The following SLC6A12 variants were observed in gnomAD, a reference collection of about 807,000 sequenced individuals.
The protein encoded by SLC6A12 is solute carrier family 6 member 12, also known as sodium- and chloride-dependent betaine transporter.
SLC6A12 carries 50 observed loss-of-function variants against 73.3 expected under a neutral mutation model. The observed-to-expected ratio is 0.68, with a 90% CI of 0.54 to 0.86. The LOEUF is 0.86. SLC6A12 is among the 40% of genes least tolerant of loss of function. The pLI is 0.00. For synonymous variants in SLC6A12, 304 were observed against 309.2 expected (o/e 0.98, Z 0.18); for missense variants, 648 against 772.8 (o/e 0.84, Z 1.92).
intron 1 of SLC6A12, among the ~76,000 whole-genome samples, 155 bp from the exon 2 acceptor site, chr12:212,265 C>T (rs1001436110): frequency 6.6e-6 from 1 of 152,176 alleles, no homozygotes; most frequent in Non-Finnish European, 1.5e-5. Context: ...GCCCTTAGGG[C>T]GGTGGTCAGA....
Position 197,357 on chromosome 12 carries a change from G to A in SLC6A12, c.1075+20C>T, listed in dbSNP as rs1439969154. 1 of 1,608,352 alleles carries A rather than the reference G, an allele frequency of 6.2e-7. No homozygotes were observed. The highest frequency in any genetic ancestry group is 8.5e-7 in the Non-Finnish European group (1 of 1,177,046). On this transcript the variant is annotated intron_variant, in intron 10 of 15. Transcript: ENST00000684302. ...TGACTCTCCTTCCCCTCAGGCCCCA[G>A]ACAGCAAAGTGGCACCTACCTGACT...
rs779790967 is a variant in SLC6A12, at chr12:204,598, G to A, written c.315C>T (p.Val105=). The part of the protein sequence containing the change: ...ALGQYTSQGS[V]TAWRKICPLF... Reference sequence around the variant, plus strand: ...GGGGGCAGATCTTCCTCCAGGCTGTGACACTCCCTTGGCTGGTGTATTGGC... The same window carrying A: ...GGGGGCAGATCTTCCTCCAGGCTGTAACACTCCCTTGGCTGGTGTATTGGC... The change falls in exon 4 of 16, where the codon GTC becomes GTT. Residue 105 remains valine, a synonymous_variant. Coordinates refer to ENST00000684302, the MANE Select transcript of SLC6A12 (RefSeq NM_001122848.3). The A allele has an allele frequency of 6.8e-6, 11 of 1,614,082 alleles. No individual in the cohort carries two copies. In the South Asian group the frequency reaches 1.2e-4, roughly 18 times the overall value.
In SLC6A12 at chr12:197,882, G is replaced by A. The variant is rs117477410; in HGVS notation, c.950+18C>T. The A allele has an allele frequency of 0.016, 9,823 of 608,972 alleles. 79 individuals carry two copies. Among genetic ancestry groups the A allele is most frequent in the Middle Eastern group, 0.026 (88 of 3,390 alleles). 37.7% of individuals were successfully genotyped at this position (608,972 alleles called of 1,614,324 possible). A position where few individuals can be genotyped will look rare whatever the true frequency, so the allele number is the denominator to read the frequency against. On this transcript the variant is annotated intron_variant, in intron 9 of 15. Transcript: ENST00000684302. ...CCCCAACCCTCCTTCACCCCACCCCGGCCCACGCTGTTCTCACTTGTAGCA... is the reference window on the plus strand; with the variant it reads ...CCCCAACCCTCCTTCACCCCACCCCAGCCCACGCTGTTCTCACTTGTAGCA...
intron 13 of SLC6A12, 42 bp from the exon 14 acceptor site, chr12:193,419 G>T: frequency 6.9e-7 from 1 of 1,453,018 alleles, no homozygotes; most frequent in East Asian, 2.3e-5. Flanking sequence ...GCCAGAGGGT[G>T]AGAACAGCTT....
At chr12:196,350 A>G in intron 11 of SLC6A12, 89 bp from the exon 12 acceptor site, 1 of 1,462,592 alleles carries the variant, frequency 6.8e-7, no homozygotes, top group Non-Finnish European at 9.3e-7. Flanking sequence ...GCTCATCCAC[A>G]CTGATGCACA....
chr12:201,112 G>A (rs216243), intron 6 of SLC6A12: 128,776 of 246,018 alleles, frequency 0.52, 35,638 homozygotes, highest in African/African-American at 0.75. Context: ...TGGGTATCCC[G>A]TGCAGGGGCT....
downstream of SLC6A12, among the ~76,000 whole-genome samples, chr12:188,784 G>A (rs148323574): frequency 6.6e-6 from 1 of 151,884 alleles, no homozygotes; most frequent in East Asian, 1.9e-4. Context: ...GTTGCTCCTT[G>A]CCCAGGTTGT....
intron 11 of SLC6A12, 40 bp downstream of exon 11, chr12:196,730 G>C: frequency 1.4e-6 from 2 of 1,419,124 alleles, no homozygotes; most frequent in South Asian, 2.3e-5. Context: ...GCTTGCAAGA[G>C]GGTCACCACG....
downstream of SLC6A12, among the ~76,000 whole-genome samples, chr12:187,588 G>C (rs1258307270): frequency 2.5e-4 from 16 of 63,124 alleles, no homozygotes; most frequent in African/African-American, 1.3e-3. Flanking sequence ...CTGCAAAAGA[G>C]CAAAAAAAAA....
Position 201,745 on chromosome 12 carries a change from A to G in SLC6A12, c.578+17T>C, listed in dbSNP as rs1940274813. 2.5e-6 allele frequency: 4 copies of G among 1,604,632 alleles called. No individual in the cohort carries two copies. Among genetic ancestry groups the G allele is most frequent in the East Asian group, 2.2e-5 (1 of 44,842 alleles). On this transcript the variant is annotated intron_variant, in intron 6 of 15. Coordinates refer to ENST00000684302, the MANE Select transcript of SLC6A12 (RefSeq NM_001122848.3). ...CAAATTTCCTCTTCATATGTGGCAAATGGGCCCAGCACCTACTCCCAGAAT... is the reference window on the plus strand; with the variant it reads ...CAAATTTCCTCTTCATATGTGGCAAGTGGGCCCAGCACCTACTCCCAGAAT...
rs1940198078 is a variant in SLC6A12 at position 200,518 on chromosome 12, G to C, written c.711+133C>G. On this transcript the variant is annotated intron_variant, in intron 7 of 15. Coordinates refer to ENST00000684302, the MANE Select transcript of SLC6A12 (RefSeq NM_001122848.3). The stretch of plus-strand genomic sequence containing the variant: ...CCTGTGGCTCCCCCTGTTCTCACTA[G>C]GCATCTCCCCTGCCCTGCTCAGGAA... 5 of 915,976 alleles carry C rather than the reference G, an allele frequency of 5.5e-6. No homozygotes were observed. The South Asian group carries it at 9.2e-5, about 17-fold the overall frequency. 56.7% of individuals were successfully genotyped at this position (915,976 alleles called of 1,614,324 possible).
At chr12:211,681 G>T (rs975836596) in intron 2 of SLC6A12, among the ~76,000 whole-genome samples, 17 of 152,130 alleles carry the variant, frequency 1.1e-4, no homozygotes, top group African/African-American at 3.9e-4. Context: ...TAGGAATGAG[G>T]CACCCTGAGA....
At chr12:209,292 C>T (rs1042149658) in intron 3 of SLC6A12, among the ~76,000 whole-genome samples, 2 of 152,214 alleles carry the variant, frequency 1.3e-5, no homozygotes, top group Non-Finnish European at 2.9e-5. Context: ...CGTCTCACCC[C>T]TCCACTCATC....
At chr12:184,409 G>A in the SLC6A12 span, among the ~76,000 whole-genome samples, 2 of 152,030 alleles carry the variant, frequency 1.3e-5, no homozygotes, top group South Asian at 2.1e-4. Flanking sequence ...TGGATCACTT[G>A]AGATCAGGAG....
At position 191,063 on chromosome 12, in the gene SLC6A12, A is replaced by G; in HGVS notation, c.*5T>C. ...CTTAGGAGCCGCCTGGCCTCTGGCC[A>G]CACCCTACAAATGGGTCTCCTTCTC... On this transcript the variant is annotated 3_prime_UTR_variant, in exon 16 of 16. Coordinates refer to ENST00000684302, the MANE Select transcript of SLC6A12 (RefSeq NM_001122848.3). 7.6e-7 allele frequency: 1 copy of G among 1,314,438 alleles called. No homozygotes were observed. Among genetic ancestry groups the G allele is most frequent in the Non-Finnish European group, 9.8e-7 (1 of 1,021,380 alleles). The allele number at this position is 1,314,438 out of a possible 1,614,324, so 81.4% of individuals were successfully genotyped here. A position where few individuals can be genotyped will look rare whatever the true frequency, so the allele number is the denominator to read the frequency against.
Position 197,403 on chromosome 12 carries a change from A to G in SLC6A12, c.1049T>C (p.Val350Ala), listed in dbSNP as rs577031145. ...ILGFMSQEQG[V>A]PISEVAESGP... ...TGACTCGGCCACTTCAGAAATGGGC[A>G]CCCCTTGCTCTTGGGACATGAAGCC... is the stretch of plus-strand genomic sequence containing the variant. The change falls in exon 10 of 16, where the codon GTG (valine) becomes GCG (alanine). Residue 350 changes from valine to alanine, a missense_variant. By Grantham distance (64) the Val-to-Ala change is moderately conservative. Transcript: ENST00000684302. The G allele has an allele frequency of 6.2e-7, 1 of 1,613,558 alleles. No individual in the cohort carries two copies. The highest frequency in any genetic ancestry group is 1.1e-5 in the South Asian group (1 of 90,990).
chr12:195,975 G>A lies in SLC6A12; in HGVS notation c.1326+149C>T, dbSNP rs114102753. 704 of 678,148 alleles carry A rather than the reference G, an allele frequency of 1.0e-3. 6 individuals carry two copies. In the African/African-American group the frequency reaches 0.012, roughly 11 times the overall value. The allele number at this position is 678,148 out of a possible 1,614,324, so 42.0% of individuals were successfully genotyped here. On this transcript the variant is annotated intron_variant, in intron 12 of 15. Transcript: ENST00000684302. ...AGACCTCACAAATGCATGTTGTGTG[G>A]TCCCTACAACCTCACTGTGGAGAGG...
chr12:197,293 T>C, intron 10 of SLC6A12, 84 bp downstream of exon 10: 2 of 1,454,994 alleles, frequency 1.4e-6, no homozygotes, highest in Non-Finnish European at 9.2e-7. Flanking sequence ...GCCCATCTTC[T>C]GGGACTCATG....
rs781636071 is a variant in SLC6A12 at position 209,831 on chromosome 12, C to G, written c.156G>C (p.Glu52Asp). 6.2e-7 allele frequency: 1 copy of G among 1,614,226 alleles called. No individual in the cohort carries two copies. The highest frequency in any genetic ancestry group is 2.2e-5 in the East Asian group (1 of 44,884). The change falls in exon 3 of 16, where the codon GAG (glutamate) becomes GAC (aspartate). Residue 52 changes from glutamate (E) to aspartate (D), a missense_variant. Coordinates refer to ENST00000684302, the MANE Select transcript of SLC6A12 (RefSeq NM_001122848.3). ...TCCAGACATTGCCCAGCCCAATGAT[C>G]TCCCCGGCCACTGACAGCACAAACT... is the stretch of plus-strand genomic sequence containing the variant. ...KMEFVLSVAG[E>D]IIGLGNVWRF...
Sources: gnomAD v4.1 joint callset for allele counts (sites outside exome capture counted in the v4.1 genomes callset) on GRCh38, gnomAD v4.1.1 for gene constraint, MANE v1.5 for transcripts, NCBI Gene and HGNC (gene_info 2026-07-23, HGNC 2026-07-21) for gene names.